RUNX1T1: variants seen among roughly 807,000 people sequenced by gnomAD.
The protein encoded by RUNX1T1 is protein CBFA2T1.
In RUNX1T1, 4 loss-of-function variants were observed where a neutral mutation model predicts 62.8. The observed-to-expected ratio is 0.06, with a 90% CI of 0.03 to 0.15. The LOEUF is 0.15. Ranked by LOEUF, RUNX1T1 falls within the 10% of genes least tolerant of loss-of-function variation. RUNX1T1 has a pLI of 1.00. For synonymous variants in RUNX1T1, 291 were observed against 286.0 expected (o/e 1.02, Z -0.18); for missense variants, 508 against 754.3 (o/e 0.67, Z 3.82).
intron 10 of RUNX1T1, among the ~76,000 whole-genome samples, chr8:91,968,874 T>A (rs1812192047): frequency 6.6e-6 from 1 of 152,156 alleles, no homozygotes; most frequent in Non-Finnish European, 1.5e-5. Context: ...CTTCTTCAGA[T>A]CATGATAAAA....
chr8:92,072,820 TAATAA>T (rs1481620148), intron 2 of RUNX1T1, among the ~76,000 whole-genome samples: 15 of 152,220 alleles, frequency 9.9e-5, no homozygotes, highest in Non-Finnish European at 2.2e-4. Context: ...CAATTTTACT[TAATAA>T]AATAACTTTC....
intron 4 of RUNX1T1, chr8:92,005,673 T>C (rs1820625227): frequency 5.9e-6 from 1 of 169,784 alleles, no homozygotes. Flanking sequence ...ATAAAAAATA[T>C]ATACACAGTC....
intron 1 of RUNX1T1, among the ~76,000 whole-genome samples, chr8:92,062,272 C>T (rs960154567): frequency 2.0e-5 from 3 of 152,260 alleles, no homozygotes; most frequent in East Asian, 1.9e-4. Flanking sequence ...TAAATTACTC[C>T]GACAAACATC....
intron 1 of RUNX1T1, among the ~76,000 whole-genome samples, chr8:92,021,276 T>A (rs1297406189): frequency 6.6e-6 from 1 of 152,176 alleles, no homozygotes; most frequent in African/African-American, 2.4e-5. Context: ...TATAGAACTT[T>A]AATTTTTATT....
chr8:92,034,175 A>G (rs1324399080), intron 1 of RUNX1T1, among the ~76,000 whole-genome samples: 1 of 152,162 alleles, frequency 6.6e-6, no homozygotes. Context: ...TATCCCATTC[A>G]TATAACAGTG....
downstream of RUNX1T1, chr8:91,955,555 G>C (rs753706481): frequency 4.4e-6 from 1 of 226,000 alleles, no homozygotes; most frequent in South Asian, 1.8e-4. Context: ...AGGAAGACAA[G>C]TTAGAGAAGC....
chr8:92,001,526 T>G (rs746727988), intron 5 of RUNX1T1, among the ~76,000 whole-genome samples: 1 of 152,166 alleles, frequency 6.6e-6, no homozygotes, highest in South Asian at 2.1e-4. Context: ...GCCTTTGCAT[T>G]GAAAGTTTAG....
chr8:92,062,733 A>G (rs1010421781), exon 1 of RUNX1T1: 1 of 1,585,878 alleles, frequency 6.3e-7, no homozygotes, highest in Non-Finnish European at 8.6e-7. Flanking sequence ...ACAGATGGAG[A>G]GCTGACACTC....
chr8:92,091,768 G>C (rs1389902454), intron 1 of RUNX1T1, among the ~76,000 whole-genome samples: 1 of 152,124 alleles, frequency 6.6e-6, no homozygotes, highest in African/African-American at 2.4e-5. Flanking sequence ...CTTGAAACTG[G>C]AAACTGCATT....
chr8:92,043,579 C>G (rs993434414), intron 1 of RUNX1T1, among the ~76,000 whole-genome samples: 62 of 151,752 alleles, frequency 4.1e-4, no homozygotes, highest in African/African-American at 1.5e-3. Flanking sequence ...AACAAACATA[C>G]AGAGTGTTAC....
intron 1 of RUNX1T1, among the ~76,000 whole-genome samples, chr8:92,050,586 G>C (rs979209987): frequency 2.6e-5 from 4 of 152,148 alleles, no homozygotes; most frequent in Admixed American, 6.5e-5. Flanking sequence ...TTAAATAACT[G>C]CTCAAAATCA....
intron 3 of RUNX1T1, among the ~76,000 whole-genome samples, chr8:92,013,126 T>C (rs1317897757): frequency 6.6e-6 from 1 of 152,174 alleles, no homozygotes; most frequent in East Asian, 1.9e-4. Flanking sequence ...CAATTATTAC[T>C]TTGGATTTAC....
At chr8:91,978,195 T>C (rs948619150) in intron 8 of RUNX1T1, among the ~76,000 whole-genome samples, 1 of 152,156 alleles carries the variant, frequency 6.6e-6, no homozygotes, top group African/African-American at 2.4e-5. Context: ...CCAGGCAACA[T>C]AGGCTGAAGA....
chr8:92,071,630 C>T (rs923689496), intron 2 of RUNX1T1, among the ~76,000 whole-genome samples: 5 of 152,218 alleles, frequency 3.3e-5, no homozygotes, highest in African/African-American at 1.2e-4. Context: ...GAAAGGAACC[C>T]AGGGTTTGAG....
chr8:92,070,853 G>A lies in RUNX1T1; in HGVS notation c.88+5112C>T, dbSNP rs1587464256. On this transcript the variant is annotated intron_variant, in intron 2 of 11. Transcript: ENST00000265814. ...TGCATGACAGAATCCTAATGAAGTA[G>A]TTGGAAAAACCAAATCACTGCACAT... is the stretch of plus-strand genomic sequence containing the variant. Among the ~76,000 whole-genome samples the A allele has an allele frequency of 2.0e-5, 3 of 152,204 alleles. No individual in the cohort carries two copies. In the South Asian group the frequency reaches 6.2e-4, roughly 31 times the overall value.
At chr8:92,057,083 A>G (rs991915435) in intron 1 of RUNX1T1, among the ~76,000 whole-genome samples, 3 of 152,170 alleles carry the variant, frequency 2.0e-5, no homozygotes, top group African/African-American at 7.2e-5. Context: ...GTTCTCTTTC[A>G]AGAGGAATAG....
intron 1 of RUNX1T1, among the ~76,000 whole-genome samples, chr8:92,039,344 C>T (rs1828013912): frequency 6.6e-6 from 1 of 152,066 alleles, no homozygotes; most frequent in East Asian, 1.9e-4. Flanking sequence ...TTCCTGGTCC[C>T]TTTGTAGTGC....
intron 6 of RUNX1T1, among the ~76,000 whole-genome samples, chr8:91,990,104 T>C (rs1317096380): frequency 6.6e-6 from 1 of 152,170 alleles, no homozygotes; most frequent in Non-Finnish European, 1.5e-5. Context: ...GTGGAGCCCC[T>C]GTTTGCTAGC....
At chr8:92,019,043 G>A (rs1823571294) in intron 1 of RUNX1T1, 1 of 152,114 alleles carries the variant, frequency 6.6e-6, no homozygotes, top group Non-Finnish European at 1.5e-5. Context: ...CAACCAGTAA[G>A]TCACTTATTC....
Sources: gnomAD v4.1 joint callset for allele counts (sites outside exome capture counted in the v4.1 genomes callset) on GRCh38, gnomAD v4.1.1 for gene constraint, MANE v1.5 for transcripts, NCBI Gene and HGNC (gene_info 2026-07-23, HGNC 2026-07-21) for gene names.